TBC1D32: variants seen among roughly 807,000 people sequenced by gnomAD.
The protein encoded by TBC1D32 is protein broad-minded.
A neutral mutation model predicts 170.3 loss-of-function variants in TBC1D32; 151 were observed. The ratio of observed to expected loss-of-function variants is 0.89; its 90% CI spans 0.78 to 1.01. The LOEUF is 1.01. Ranked by LOEUF, TBC1D32 falls within the 50% of genes least tolerant of loss-of-function variation. TBC1D32 has a pLI of 0.00. For synonymous variants in TBC1D32, 498 were observed against 488.0 expected (o/e 1.02, Z -0.27); for missense variants, 1,464 against 1,457.1 (o/e 1.00, Z -0.08).
At chr6:121,234,221 G>A (rs1796077885) in intron 20 of TBC1D32, among the ~76,000 whole-genome samples, 1 of 152,076 alleles carries the variant, frequency 6.6e-6, no homozygotes. Context: ...GAATTTCCCA[G>A]GTGTTCTTTC....
At chr6:121,124,821 A>AT (rs1780659955) in intron 26 of TBC1D32, among the ~76,000 whole-genome samples, 1 of 150,320 alleles carries the variant, frequency 6.7e-6, no homozygotes, top group African/African-American at 2.4e-5. Flanking sequence ...TCTTTATTAC[A>AT]TTTTTTCATT....
intron 22 of TBC1D32, among the ~76,000 whole-genome samples, chr6:121,186,913 G>A (rs113516580): frequency 0.067 from 5,073 of 75,860 alleles, 162 homozygotes; most frequent in Middle Eastern, 0.092. Flanking sequence ...AGGTTTAAAT[G>A]ACTCAAAATA....
intron 17 of TBC1D32, 87 bp from the exon 18 acceptor site, chr6:121,242,426 T>A: frequency 1.5e-6 from 2 of 1,330,758 alleles, no homozygotes; most frequent in Non-Finnish European, 2.1e-6. Flanking sequence ...CTTAACCCTG[T>A]TTACAATTAA....
At chr6:121,119,407 CAAAGA>C (rs1780030810) in intron 26 of TBC1D32, among the ~76,000 whole-genome samples, 1 of 151,700 alleles carries the variant, frequency 6.6e-6, no homozygotes, top group South Asian at 2.1e-4. Context: ...TTTTGCTTTT[CAAAGA>C]AAATATAAAA....
Position 121,224,068 on chromosome 6 carries a change from G to A in TBC1D32, c.2365-716C>T, listed in dbSNP as rs138462584. On this transcript the variant is annotated intron_variant, in intron 20 of 31. Coordinates refer to ENST00000398212, the MANE Select transcript of TBC1D32 (RefSeq NM_152730.6). ...TTCAAGGCACTTCTCTAATTGACAC[G>A]ATTCTACTCTTCACAGTCTCAAAAG... 8.6e-3 allele frequency among the ~76,000 whole-genome samples: 1,314 copies of A among 152,206 alleles called. 11 individuals are homozygous for A. Among genetic ancestry groups the A allele is most frequent in the Non-Finnish European group, 0.015 (1,025 of 68,018 alleles).
At chr6:121,122,540 C>T (rs936847034) in intron 26 of TBC1D32, among the ~76,000 whole-genome samples, 3 of 150,416 alleles carry the variant, frequency 2.0e-5, no homozygotes, top group Non-Finnish European at 2.9e-5. Context: ...CCTGCACATC[C>T]CCTGCTGAAG....
chr6:121,231,997 C>T (rs1013240478), intron 20 of TBC1D32, among the ~76,000 whole-genome samples: 1 of 152,058 alleles, frequency 6.6e-6, no homozygotes, highest in African/African-American at 2.4e-5. Flanking sequence ...TTTACCTAAG[C>T]TAATGTCTAG....
chr6:121,124,039 T>G (rs1780568178), intron 26 of TBC1D32, among the ~76,000 whole-genome samples: 2 of 152,098 alleles, frequency 1.3e-5, no homozygotes, highest in African/African-American at 4.8e-5. Flanking sequence ...ATTATTTATA[T>G]TGCCTATCCC....
At chr6:121,231,323 T>G (rs1795709308) in intron 20 of TBC1D32, among the ~76,000 whole-genome samples, 1 of 152,214 alleles carries the variant, frequency 6.6e-6, no homozygotes, top group Admixed American at 6.5e-5. Context: ...ACTCATTGAT[T>G]GATGTGCATG....
intron 30 of TBC1D32, among the ~76,000 whole-genome samples, chr6:121,104,656 G>A (rs187204532): frequency 2.0e-5 from 3 of 151,522 alleles, no homozygotes; most frequent in African/African-American, 7.2e-5. Flanking sequence ...ATTAACCATA[G>A]GCAAAGAGAA....
At chr6:121,094,915 G>T (rs973638736) in intron 30 of TBC1D32, among the ~76,000 whole-genome samples, 4 of 150,940 alleles carry the variant, frequency 2.7e-5, no homozygotes, top group African/African-American at 9.9e-5. Context: ...CTCTACAAAT[G>T]AGTCTGCTGT....
chr6:121,285,085 A>G (rs115126544), intron 12 of TBC1D32, among the ~76,000 whole-genome samples: 1,874 of 152,280 alleles, frequency 0.012, 38 homozygotes, highest in African/African-American at 0.043. Flanking sequence ...CGGGGTCAGC[A>G]AACTATAGCC....
At chr6:121,256,434 G>C (rs911675911) in intron 15 of TBC1D32, 149 bp from the exon 16 acceptor site, 1 of 640,166 alleles carries the variant, frequency 1.6e-6, no homozygotes, top group Non-Finnish European at 2.7e-6. Context: ...CCCATGCACA[G>C]ATGTCTAGTA....
intron 22 of TBC1D32, among the ~76,000 whole-genome samples, chr6:121,168,712 T>TAAAAAAAAAAAAAAAAAA (rs59283869): frequency 2.1e-5 from 2 of 93,904 alleles, no homozygotes; most frequent in African/African-American, 7.2e-5. Context: ...TAGAGTATAA[T>TAAAAAAAAAAAAAAAAAA]AAAAAAAAAA....
intron 22 of TBC1D32, among the ~76,000 whole-genome samples, chr6:121,168,242 G>A (rs1474191505): frequency 7.9e-6 from 1 of 127,184 alleles, no homozygotes; most frequent in Non-Finnish European, 1.6e-5. Flanking sequence ...AAATCATGCT[G>A]CTATAAAGAC....
intron 24 of TBC1D32, among the ~76,000 whole-genome samples, chr6:121,157,596 T>G (rs1422361535): frequency 6.6e-6 from 1 of 152,144 alleles, no homozygotes; most frequent in Non-Finnish European, 1.5e-5. Context: ...TCCTTTATAC[T>G]GTCTGTGAGT....
intron 22 of TBC1D32, among the ~76,000 whole-genome samples, chr6:121,183,838 T>TA (rs1296584362): frequency 5.9e-5 from 9 of 151,870 alleles, no homozygotes; most frequent in African/African-American, 1.2e-4. Flanking sequence ...CTCACAGCAA[T>TA]AAAAAAACTA....
chr6:121,268,760 A>C (rs1161399280), intron 15 of TBC1D32, among the ~76,000 whole-genome samples: 1 of 152,138 alleles, frequency 6.6e-6, no homozygotes, highest in Non-Finnish European at 1.5e-5. Flanking sequence ...AGTACAGAGA[A>C]CACCACAAAG....
At chr6:121,293,468 T>C (rs960718808) in intron 11 of TBC1D32, among the ~76,000 whole-genome samples, 6 of 152,070 alleles carry the variant, frequency 3.9e-5, no homozygotes, top group African/African-American at 7.2e-5. Context: ...GTATAAGATA[T>C]CGTCATACTC....
Sources: gnomAD v4.1 joint callset for allele counts (sites outside exome capture counted in the v4.1 genomes callset) on GRCh38, gnomAD v4.1.1 for gene constraint, MANE v1.5 for transcripts, NCBI Gene and HGNC (gene_info 2026-07-23, HGNC 2026-07-21) for gene names.